Variants in GALNT13 observed in about 807,000 individuals in gnomAD.
GALNT13 encodes polypeptide N-acetylgalactosaminyltransferase 13.
Under a neutral mutation model 64.2 loss-of-function variants are expected in GALNT13, and 28 were observed. That is an observed-to-expected ratio of 0.44 (90% CI 0.32 to 0.60). The LOEUF (loss-of-function observed/expected upper bound fraction) is 0.60, where lower values mean the gene tolerates loss of function less well. Among genes scored for constraint, GALNT13 ranks in the 20% least tolerant of loss-of-function variants. The pLI is 0.05. For missense variants in GALNT13, 577 were observed against 669.8 expected, an observed-to-expected ratio of 0.86 and a Z score of 1.53; for synonymous variants, 214 against 224.6, an observed-to-expected ratio of 0.95 and a Z score of 0.42.
chr2:153,251,508 T>C, the GALNT13 span, among the ~76,000 whole-genome samples: 2 of 152,118 alleles, frequency 1.3e-5, no homozygotes, highest in Non-Finnish European at 2.9e-5. Context: ...TTAGAGTACA[T>C]GTGCACAATG....
chr2:153,542,250 G>A, the GALNT13 span, among the ~76,000 whole-genome samples: 4 of 152,064 alleles, frequency 2.6e-5, no homozygotes, highest in South Asian at 6.2e-4. Context: ...AACCCAGGAG[G>A]TGGAGGTTGC....
chr2:154,333,766 C>A (rs1026989506), intron 9 of GALNT13, among the ~76,000 whole-genome samples: 1 of 151,792 alleles, frequency 6.6e-6, no homozygotes, highest in East Asian at 1.9e-4. Context: ...GCAGCTTATC[C>A]CTCCTCCTAG....
the GALNT13 span, among the ~76,000 whole-genome samples, chr2:153,270,387 C>T: frequency 3.5e-3 from 535 of 152,200 alleles, 5 homozygotes; most frequent in African/African-American, 0.012. Context: ...TATTTGTCTT[C>T]GATGTCTGTT....
At chr2:153,560,353 C>G in the GALNT13 span, among the ~76,000 whole-genome samples, 2 of 151,690 alleles carry the variant, frequency 1.3e-5, no homozygotes, top group African/African-American at 2.4e-5. Flanking sequence ...ATGATTTTTT[C>G]TTGTACCTGA....
At chr2:154,067,278 C>A (rs928920444) in intron 3 of GALNT13, among the ~76,000 whole-genome samples, 2 of 151,918 alleles carry the variant, frequency 1.3e-5, no homozygotes, top group African/African-American at 4.8e-5. Flanking sequence ...GGGATTACAT[C>A]CTTACTTATC....
the GALNT13 span, among the ~76,000 whole-genome samples, chr2:153,477,174 CCCAGGG>C: frequency 7.9e-5 from 12 of 152,224 alleles, no homozygotes; most frequent in South Asian, 1.7e-3. Flanking sequence ...TCTCAGTCAT[CCCAGGG>C]CCTCTCCGTC....
the GALNT13 span, among the ~76,000 whole-genome samples, chr2:153,190,992 T>C: frequency 6.6e-6 from 1 of 152,068 alleles, no homozygotes; most frequent in South Asian, 2.1e-4. Flanking sequence ...TTGGTTTTTC[T>C]AATTATAAGA....
intron 4 of GALNT13, among the ~76,000 whole-genome samples, chr2:154,201,437 G>A (rs1171773570): frequency 1.3e-5 from 2 of 152,062 alleles, no homozygotes; most frequent in South Asian, 2.1e-4. Flanking sequence ...ATTGAATACT[G>A]TCTTATACCT....
the GALNT13 span, among the ~76,000 whole-genome samples, chr2:153,346,665 T>A: frequency 0.32 from 49,052 of 152,068 alleles, 8,130 homozygotes; most frequent in Middle Eastern, 0.36. Context: ...TGAGATACAC[T>A]AAATTACAAG....
At chr2:154,196,803 G>T (rs979215622) in intron 4 of GALNT13, among the ~76,000 whole-genome samples, 5 of 152,214 alleles carry the variant, frequency 3.3e-5, no homozygotes, top group Admixed American at 6.5e-5. Context: ...ATATTTCCAA[G>T]AATTGGGTTC....
rs1230633368 is a variant in GALNT13 at position 153,989,092 on chromosome 2, T to C, written c.142+44453T>C. On this transcript the variant is annotated intron_variant, in intron 3 of 12. Transcript: ENST00000392825. Reference sequence around the variant, plus strand: ...TTTTCCAGTGCCTTAAGAATGCCTGTATCCTCTCCTAGTCAAACATTTCAA... The same window carrying C: ...TTTTCCAGTGCCTTAAGAATGCCTGCATCCTCTCCTAGTCAAACATTTCAA... Among the ~76,000 whole-genome samples, 3 of 151,994 alleles carry C rather than the reference T, an allele frequency of 2.0e-5. No individual in the cohort carries two copies. In the South Asian group the frequency reaches 6.2e-4, roughly 31 times the overall value.
the GALNT13 span, among the ~76,000 whole-genome samples, chr2:153,516,799 G>T: frequency 6.6e-6 from 1 of 151,888 alleles, no homozygotes; most frequent in Non-Finnish European, 1.5e-5. Context: ...AGATCTATAG[G>T]ATATCAAAAA....
At chr2:153,554,312 T>C in the GALNT13 span, among the ~76,000 whole-genome samples, 65 of 151,796 alleles carry the variant, frequency 4.3e-4, no homozygotes, top group Admixed American at 2.8e-3. Context: ...CCAGCCTGGG[T>C]GACAGAGTGA....
the GALNT13 span, among the ~76,000 whole-genome samples, chr2:153,635,406 A>ATATATACACATATATATG: frequency 7.3e-6 from 1 of 137,914 alleles, no homozygotes. Flanking sequence ...ATGTATATAT[A>ATATATACACATATATATG]TATATATATA....
the GALNT13 span, chr2:153,421,924 G>C: frequency 0.013 from 2,465 of 186,934 alleles, 71 homozygotes; most frequent in African/African-American, 0.055. Flanking sequence ...CCAGACATCA[G>C]CCTCGCCAAG....
intron 3 of GALNT13, among the ~76,000 whole-genome samples, chr2:154,005,772 T>A (rs1302388944): frequency 6.6e-6 from 1 of 152,198 alleles, no homozygotes; most frequent in Non-Finnish European, 1.5e-5. Flanking sequence ...GCTAGGTATA[T>A]GTTTCTTTAA....
At chr2:153,556,557 G>T in the GALNT13 span, among the ~76,000 whole-genome samples, 26,670 of 152,084 alleles carry the variant, frequency 0.18, 2,436 homozygotes, top group South Asian at 0.25. Context: ...GCTACCCAAA[G>T]GTACAACACG....
chr2:153,935,444 G>A (rs939668209), intron 2 of GALNT13, among the ~76,000 whole-genome samples: 1 of 152,198 alleles, frequency 6.6e-6, no homozygotes, highest in Non-Finnish European at 1.5e-5. Context: ...GATTAAGCAT[G>A]TGTCATGTCA....
intron 7 of GALNT13, among the ~76,000 whole-genome samples, chr2:154,247,521 A>G (rs1689844087): frequency 6.6e-6 from 1 of 152,064 alleles, no homozygotes; most frequent in Non-Finnish European, 1.5e-5. Context: ...TTGGCAAAAA[A>G]CATGCTTTAT....
Sources: allele counts gnomAD v4.1 joint callset (sites outside exome capture counted in the v4.1 genomes callset), GRCh38; gene constraint gnomAD v4.1.1; transcripts MANE v1.5; gene names NCBI Gene and HGNC (gene_info 2026-07-23, HGNC 2026-07-21).